Variants in MAN1A1 observed in about 807,000 individuals in gnomAD.
The protein encoded by MAN1A1 is mannosyl-oligosaccharide 1,2-alpha-mannosidase IA.
MAN1A1 carries 29 observed loss-of-function variants against 70.8 expected under a neutral mutation model. The ratio of observed to expected loss-of-function variants is 0.41; its 90% CI spans 0.31 to 0.56. The LOEUF is 0.56. Among genes scored for constraint, MAN1A1 ranks in the 20% least tolerant of loss-of-function variants. The pLI, the probability that MAN1A1 is intolerant of heterozygous loss-of-function variation, is 0.29. For missense variants in MAN1A1, 747 were observed against 841.3 expected, an observed-to-expected ratio of 0.89 and a Z score of 1.39; for synonymous variants, 349 against 330.1, an observed-to-expected ratio of 1.06 and a Z score of -0.62.
chr6:119,311,408 A>G (rs992595744), intron 2 of MAN1A1, among the ~76,000 whole-genome samples: 13 of 152,216 alleles, frequency 8.5e-5, no homozygotes, highest in Non-Finnish European at 1.8e-4. Flanking sequence ...ATGGAGGAAG[A>G]AAGGAAGAGT....
intron 2 of MAN1A1, among the ~76,000 whole-genome samples, chr6:119,342,189 C>G (rs187030581): frequency 2.4e-4 from 36 of 151,980 alleles, no homozygotes; most frequent in Non-Finnish European, 1.2e-4. Flanking sequence ...CAGAGTTGAC[C>G]GTAGCAAAAT....
intron 4 of MAN1A1, among the ~76,000 whole-genome samples, chr6:119,296,787 G>A (rs1187689404): frequency 6.6e-6 from 1 of 152,112 alleles, no homozygotes; most frequent in African/African-American, 2.4e-5. Flanking sequence ...TACAACTAAA[G>A]GCATGATCCA....
chr6:119,228,432 C>A lies in MAN1A1; in HGVS notation c.992+19828G>T, dbSNP rs3798615. Among the ~76,000 whole-genome samples the A allele has an allele frequency of 5.9e-3, 902 of 152,012 alleles. 31 individuals carry two copies. The East Asian group carries it at 0.091, about 15-fold the overall frequency. On this transcript the variant is annotated intron_variant, in intron 6 of 12. Coordinates refer to ENST00000368468, the MANE Select transcript of MAN1A1 (RefSeq NM_005907.4). ...ATAATTTTCAAAAATCTTAATAATTCTTTCACCAAATTTTTCACTGAGAAA... is the reference window on the plus strand; with the variant it reads ...ATAATTTTCAAAAATCTTAATAATTATTTCACCAAATTTTTCACTGAGAAA...
At chr6:119,234,878 AG>A (rs1209313160) in intron 6 of MAN1A1, among the ~76,000 whole-genome samples, 1 of 152,146 alleles carries the variant, frequency 6.6e-6, no homozygotes, top group Non-Finnish European at 1.5e-5. Context: ...TTTTTCTAAC[AG>A]CCTGTGCTCA....
chr6:119,287,173 A>ACT lies in MAN1A1; in HGVS notation c.897+3509_897+3510insAG, dbSNP rs541676939. On this transcript the variant is annotated intron_variant, in intron 5 of 12. Transcript: ENST00000368468. ...GAGTAGAGTAACAGAAGGGTGGAAG[A>ACT]AATAGTCCATGTTACTAATTGCAGG... Among the ~76,000 whole-genome samples the ACT allele has an allele frequency of 4.1e-3, 619 of 152,216 alleles. 4 individuals carry two copies. Among genetic ancestry groups the ACT allele is most frequent in the Non-Finnish European group, 7.2e-3 (489 of 67,982 alleles).
At chr6:119,330,951 T>C (rs1005916100) in intron 2 of MAN1A1, among the ~76,000 whole-genome samples, 1 of 152,156 alleles carries the variant, frequency 6.6e-6, no homozygotes, top group Non-Finnish European at 1.5e-5. Context: ...CTCTACCCCT[T>C]TGGGCTCCAT....
intron 6 of MAN1A1, among the ~76,000 whole-genome samples, chr6:119,238,318 T>C (rs1774911983): frequency 6.6e-6 from 1 of 152,176 alleles, no homozygotes; most frequent in South Asian, 2.1e-4. Context: ...TCTTGTAAAA[T>C]TATATGCTCT....
chr6:119,296,949 A>G (rs1051974875), intron 4 of MAN1A1, among the ~76,000 whole-genome samples: 2 of 152,222 alleles, frequency 1.3e-5, no homozygotes, highest in Non-Finnish European at 2.9e-5. Flanking sequence ...GAAAATTTTA[A>G]CACAGCTTTA....
chr6:119,248,722 G>C (rs547447665), intron 5 of MAN1A1, among the ~76,000 whole-genome samples: 1 of 152,194 alleles, frequency 6.6e-6, no homozygotes, highest in African/African-American at 2.4e-5. Context: ...GCCAGTGGGA[G>C]AACCACTGTT....
At chr6:119,276,397 G>A (rs1776065691) in intron 5 of MAN1A1, among the ~76,000 whole-genome samples, 2 of 152,168 alleles carry the variant, frequency 1.3e-5, no homozygotes, top group South Asian at 2.1e-4. Flanking sequence ...ACTAGAACAT[G>A]GCATGGAACA....
At chr6:119,344,376 C>T (rs956574123) in intron 2 of MAN1A1, among the ~76,000 whole-genome samples, 8 of 152,200 alleles carry the variant, frequency 5.3e-5, no homozygotes, top group African/African-American at 1.9e-4. Flanking sequence ...TATTAACAGT[C>T]AGCACCTACT....
intron 2 of MAN1A1, among the ~76,000 whole-genome samples, chr6:119,339,929 A>C (rs1212238866): frequency 6.6e-6 from 1 of 152,122 alleles, no homozygotes; most frequent in Admixed American, 6.5e-5. Context: ...TGCCTCTACC[A>C]AAAATACAAA....
At chr6:119,264,083 G>A (rs944131361) in intron 5 of MAN1A1, among the ~76,000 whole-genome samples, 15 of 152,206 alleles carry the variant, frequency 9.9e-5, no homozygotes, top group Admixed American at 9.8e-4. Context: ...ATTGTAGAGA[G>A]AATGGTTTCA....
At chr6:119,264,405 CA>C (rs1264079626) in intron 5 of MAN1A1, among the ~76,000 whole-genome samples, 1 of 152,118 alleles carries the variant, frequency 6.6e-6, no homozygotes, top group Non-Finnish European at 1.5e-5. Flanking sequence ...GTGAACAAAG[CA>C]AAAATTGTTA....
At chr6:119,250,856 T>C (rs931592775) in intron 5 of MAN1A1, among the ~76,000 whole-genome samples, 10 of 152,200 alleles carry the variant, frequency 6.6e-5, no homozygotes, top group Admixed American at 1.3e-4. Context: ...ATGGGTGTCT[T>C]GTTATTTTCT....
intron 5 of MAN1A1, among the ~76,000 whole-genome samples, chr6:119,268,314 G>C (rs780948398): frequency 6.6e-6 from 1 of 151,894 alleles, no homozygotes; most frequent in Non-Finnish European, 1.5e-5. Context: ...TATTTGATTC[G>C]GACCACAAAA....
chr6:119,266,275 G>A (rs1468443564), intron 5 of MAN1A1, among the ~76,000 whole-genome samples: 3 of 152,094 alleles, frequency 2.0e-5, no homozygotes, highest in Admixed American at 2.0e-4. Flanking sequence ...AGAAGCAAAA[G>A]GTTCAAAATA....
At chr6:119,263,238 TTAA>T (rs973756949) in intron 5 of MAN1A1, among the ~76,000 whole-genome samples, 6 of 151,844 alleles carry the variant, frequency 4.0e-5, no homozygotes, top group Admixed American at 6.6e-5. Context: ...AAATATTAAC[TTAA>T]TAATTATATT....
intron 5 of MAN1A1, among the ~76,000 whole-genome samples, chr6:119,255,714 A>C (rs1775439097): frequency 6.6e-6 from 1 of 152,210 alleles, no homozygotes. Flanking sequence ...AGCTACACCC[A>C]AGTGAATACC....
Sources: allele counts gnomAD v4.1 joint callset (sites outside exome capture counted in the v4.1 genomes callset), GRCh38; gene constraint gnomAD v4.1.1; transcripts MANE v1.5; gene names NCBI Gene and HGNC (gene_info 2026-07-23, HGNC 2026-07-21).